GSR: variants seen among roughly 807,000 people sequenced by gnomAD.
The protein encoded by GSR is glutathione-disulfide reductase.
A neutral mutation model predicts 56.5 loss-of-function variants in GSR; 48 were observed. The ratio of observed to expected loss-of-function variants is 0.85; its 90% CI spans 0.67 to 1.08. The LOEUF (loss-of-function observed/expected upper bound fraction) is 1.08, where lower values mean the gene tolerates loss of function less well. Ranked by LOEUF, GSR falls within the 50% of genes least tolerant of loss-of-function variation. GSR has a pLI of 0.00. For synonymous variants in GSR, 264 were observed against 270.8 expected (o/e 0.97, Z 0.25); for missense variants, 694 against 703.3 (o/e 0.99, Z 0.15).
chr8:30,684,587 T>C (rs1359502772), intron 9 of GSR, among the ~76,000 whole-genome samples: 1 of 152,156 alleles, frequency 6.6e-6, no homozygotes, highest in Non-Finnish European at 1.5e-5. Context: ...GGATTTGACA[T>C]TGCAATGTAC....
At chr8:30,727,400 A>T in intron 1 of GSR, 130 bp downstream of exon 1, 1 of 876,170 alleles carries the variant, frequency 1.1e-6, no homozygotes, top group Non-Finnish European at 1.7e-6. Context: ...CGGAATGGGG[A>T]GTTGCGGGGG....
chr8:30,693,140 C>T, intron 7 of GSR, 85 bp from the exon 8 acceptor site: 11 of 798,236 alleles, frequency 1.4e-5, no homozygotes, highest in East Asian at 2.5e-5. Flanking sequence ...GAAACTTCAG[C>T]ATTATCTCTC....
chr8:30,727,779 C>A lies in GSR; in HGVS notation c.57G>T (p.Ala19=). Reference sequence around the variant, plus strand: ...GCAGGAAGCCTCGGAAGGCGCGCGCCGCCCGCCGCCAGCTCGGTCCCGCGC... The same window carrying A: ...GCAGGAAGCCTCGGAAGGCGCGCGCAGCCCGCCGCCAGCTCGGTCCCGCGC... ...SAGAGPSWRR[A]ARAFRGFLLL... is the part of the protein sequence containing the mutation. Residue 19 remains alanine, a synonymous_variant, in exon 1 of 13, where the codon GCG becomes GCT. Transcript: ENST00000221130. The A allele has an allele frequency of 2.2e-6, 3 of 1,355,464 alleles. No individual in the cohort carries two copies. Among genetic ancestry groups the A allele is most frequent in the South Asian group, 1.7e-5 (1 of 57,690 alleles). 84.0% of individuals were successfully genotyped at this position (1,355,464 alleles called of 1,614,324 possible).
intron 1 of GSR, among the ~76,000 whole-genome samples, chr8:30,721,648 G>C (rs1056254558): frequency 1.0e-5 from 1 of 99,872 alleles, no homozygotes; most frequent in African/African-American, 2.7e-5. Context: ...GTGAGACTTC[G>C]TGTCAAGAAG....
rs541829010 is a variant in GSR at position 30,708,245 on chromosome 8, T to C, written c.423-104A>G. On this transcript the variant is annotated intron_variant, in intron 3 of 12. Transcript: ENST00000221130. ...ACCCCGAGCAGAGAATCACTGACTG[T>C]CAACAGCAACCGCAGTGAGTGAATG... 16 of 835,344 alleles carry C rather than the reference T, an allele frequency of 1.9e-5. No homozygotes were observed. The African/African-American group carries it at 2.3e-4, about 12-fold the overall frequency. The allele number at this position is 835,344 out of a possible 1,614,324, so 51.7% of individuals were successfully genotyped here. A position where few individuals can be genotyped will look rare whatever the true frequency, so the allele number is the denominator to read the frequency against.
intron 1 of GSR, among the ~76,000 whole-genome samples, chr8:30,723,395 G>A (rs1804613649): frequency 6.6e-6 from 1 of 152,152 alleles, no homozygotes; most frequent in Non-Finnish European, 1.5e-5. Flanking sequence ...GGGAGGTTGA[G>A]GTGGGAGGAT....
chr8:30,721,602 A>T (rs953021317), intron 1 of GSR, among the ~76,000 whole-genome samples: 1 of 151,916 alleles, frequency 6.6e-6, no homozygotes, highest in African/African-American at 2.4e-5. Flanking sequence ...GCCGTGAGCC[A>T]AGATCGTGCC....
intron 5 of GSR, 90 bp downstream of exon 5, chr8:30,703,003 G>A: frequency 7.3e-7 from 1 of 1,361,168 alleles, no homozygotes; most frequent in Non-Finnish European, 1.1e-6. Context: ...GAGAGAACTG[G>A]TTTAGGCAGA....
Position 30,697,241 on chromosome 8 carries a change from C to G in GSR, c.696-762G>C, listed in dbSNP as rs2978666. ...CCAATCTGGCCAACATGGTGAACCC[C>G]GTCTCTACTAAAAATACAAAAAGTT... is the stretch of plus-strand genomic sequence containing the variant. On this transcript the variant is annotated intron_variant, in intron 6 of 12. Transcript: ENST00000221130. Among the ~76,000 whole-genome samples, 4 of 151,898 alleles carry G rather than the reference C, an allele frequency of 2.6e-5. No individual in the cohort carries two copies. In the South Asian group the frequency reaches 8.3e-4, roughly 32 times the overall value.
At chr8:30,692,425 A>T (rs1418795612) in intron 8 of GSR, among the ~76,000 whole-genome samples, 2 of 144,368 alleles carry the variant, frequency 1.4e-5, no homozygotes, top group East Asian at 2.1e-4. Flanking sequence ...CAAACTCCCA[A>T]CCTCAGGTGA....
chr8:30,705,183 T>G (rs1205299536), intron 4 of GSR, among the ~76,000 whole-genome samples: 1 of 151,764 alleles, frequency 6.6e-6, no homozygotes, highest in Admixed American at 6.6e-5. Context: ...TCCCATATTT[T>G]GGGAGGACAA....
rs1431941325 is a variant in GSR at position 30,689,278 on chromosome 8, G to C, written c.924C>G (p.Ser308Arg). 1 of 1,613,918 alleles carries C rather than the reference G, an allele frequency of 6.2e-7. No individual in the cohort carries two copies. Among genetic ancestry groups the C allele is most frequent in the Admixed American group, 1.7e-5 (1 of 60,020 alleles). Residue 308 changes from serine to arginine, a missense_variant, in exon 9 of 13, where the codon AGC (serine) becomes AGG (arginine). Coordinates refer to ENST00000221130, the MANE Select transcript of GSR (RefSeq NM_000637.5). ...VKKTLSGLEV[S>R]MVTAVPGRLP... ...GCCTACCGGGAACTGCAGTAACCAT[G>C]CTGACTTCCAAGCCCGACAAAGTCT...
rs547591476 is a variant in GSR at position 30,714,895 on chromosome 8, T to C, written c.307-2807A>G. Reference sequence around the variant, plus strand: ...CCAAAATCCACAGGAGAATCTTAAATGTTTACAAGCAGCAATTATTCCACT... The same window carrying C: ...CCAAAATCCACAGGAGAATCTTAAACGTTTACAAGCAGCAATTATTCCACT... On this transcript the variant is annotated intron_variant, in intron 1 of 12. Coordinates refer to ENST00000221130, the MANE Select transcript of GSR (RefSeq NM_000637.5). Among the ~76,000 whole-genome samples the C allele has an allele frequency of 1.9e-3, 289 of 152,288 alleles. 1 individual carries two copies. The highest frequency in any genetic ancestry group is 2.3e-3 in the Non-Finnish European group (154 of 68,032).
chr8:30,715,824 A>G lies in GSR; in HGVS notation c.307-3736T>C, dbSNP rs183907977. Among the ~76,000 whole-genome samples, 43 of 152,282 alleles carry G rather than the reference A, an allele frequency of 2.8e-4. No individual in the cohort carries two copies. In the East Asian group the frequency reaches 7.9e-3, roughly 28 times the overall value. On this transcript the variant is annotated intron_variant, in intron 1 of 12. Coordinates refer to ENST00000221130, the MANE Select transcript of GSR (RefSeq NM_000637.5). Reference sequence around the variant, plus strand: ...CTCACATACCATCAGTTTGTTCCTCATGTATATTTGAAGCTACTTTAAAGT... The same window carrying G: ...CTCACATACCATCAGTTTGTTCCTCGTGTATATTTGAAGCTACTTTAAAGT...
At chr8:30,723,729 T>C (rs1255548158) in intron 1 of GSR, among the ~76,000 whole-genome samples, 2 of 148,056 alleles carry the variant, frequency 1.4e-5, no homozygotes, top group African/African-American at 5.0e-5. Flanking sequence ...GAGACGGAGG[T>C]TGCAGTGAGC....
At chr8:30,717,362 C>A (rs1242980911) in intron 1 of GSR, among the ~76,000 whole-genome samples, 2 of 152,204 alleles carry the variant, frequency 1.3e-5, no homozygotes, top group Non-Finnish European at 2.9e-5. Flanking sequence ...GTTGGAATTA[C>A]AAGCATGAGC....
At position 30,703,226 on chromosome 8, in the gene GSR, G is replaced by A; in HGVS notation, c.507C>T (p.Ile169=). ...QNNLTKSHIE[I]IRGHAAFTSD... Reference sequence around the variant, plus strand: ...TCGTGAAGGCTGCATGGCCACGGATGATTTCTATATGGGACTAAAGAAGGA... The same window carrying A: ...TCGTGAAGGCTGCATGGCCACGGATAATTTCTATATGGGACTAAAGAAGGA... The change falls in exon 5 of 13, where the codon ATC becomes ATT. Residue 169 remains isoleucine (I), a synonymous_variant. Coordinates refer to ENST00000221130, the MANE Select transcript of GSR (RefSeq NM_000637.5). 1.2e-6 allele frequency: 2 copies of A among 1,614,044 alleles called. No homozygotes were observed. Among genetic ancestry groups the A allele is most frequent in the Non-Finnish European group, 8.5e-7 (1 of 1,179,930 alleles).
intron 2 of GSR, among the ~76,000 whole-genome samples, chr8:30,710,593 G>A (rs777227960): frequency 5.3e-5 from 8 of 149,706 alleles, no homozygotes; most frequent in African/African-American, 1.5e-4. Flanking sequence ...GGTGATGCAC[G>A]CCTGTAGTCC....
rs763290797 is a variant in GSR at position 30,684,102 on chromosome 8, G to A, written c.1139C>T (p.Ala380Val). Reference sequence around the variant, plus strand: ...AGAGACCTTACCTGGAGTAAGAAGAGCTTTTCCACATACATCCCCAACTGC... The same window carrying A: ...AGAGACCTTACCTGGAGTAAGAAGAACTTTTCCACATACATCCCCAACTGC... ...IYAVGDVCGK[A>V]LLTPVAIAAG... is the part of the protein sequence containing the mutation. The change falls in exon 10 of 13, where the codon GCT becomes GTT. Residue 380 changes from alanine to valine, a missense_variant. Ala to Val is a moderately conservative substitution (Grantham distance 64). Coordinates refer to ENST00000221130, the MANE Select transcript of GSR (RefSeq NM_000637.5). 4 of 1,573,278 alleles carry A rather than the reference G, an allele frequency of 2.5e-6. No individual in the cohort carries two copies. The African/African-American group carries it at 5.4e-5, about 21-fold the overall frequency.
Sources: allele counts gnomAD v4.1 joint callset (sites outside exome capture counted in the v4.1 genomes callset), GRCh38; gene constraint gnomAD v4.1.1; transcripts MANE v1.5; gene names NCBI Gene and HGNC (gene_info 2026-07-23, HGNC 2026-07-21).